Variants in PALMD observed in about 807,000 individuals in gnomAD.
PALMD encodes paralemmin-like protein.
PALMD carries 42 observed loss-of-function variants against 56.2 expected under a neutral mutation model. The ratio of observed to expected loss-of-function variants is 0.75; its 90% CI spans 0.58 to 0.97. The LOEUF is 0.97. PALMD is among the 50% of genes least tolerant of loss of function. PALMD has a pLI of 0.00. For synonymous variants in PALMD, 242 were observed against 222.9 expected (o/e 1.09, Z -0.76); for missense variants, 660 against 643.8 (o/e 1.03, Z -0.27).
At chr1:99,686,839 C>T (rs1449457905) in intron 4 of PALMD, 49 bp downstream of exon 4, 2 of 1,347,642 alleles carry the variant, frequency 1.5e-6, no homozygotes, top group African/African-American at 1.5e-5. Flanking sequence ...AAAATGAATC[C>T]ACAAATACTA....
chr1:99,685,257 T>C (rs920771383), intron 3 of PALMD: 2 of 152,166 alleles, frequency 1.3e-5, no homozygotes, highest in Non-Finnish European at 2.9e-5. Context: ...GGGAACTGGC[T>C]TTCACAAGAA....
At chr1:99,693,173 T>C (rs1007689701) in intron 7 of PALMD, among the ~76,000 whole-genome samples, 1 of 152,164 alleles carries the variant, frequency 6.6e-6, no homozygotes, top group Non-Finnish European at 1.5e-5. Flanking sequence ...GACAAAATTG[T>C]GCAATCAGTT....
chr1:99,649,571 G>C (rs1481397813), intron 1 of PALMD, among the ~76,000 whole-genome samples: 2 of 152,122 alleles, frequency 1.3e-5, no homozygotes, highest in African/African-American at 4.8e-5. Flanking sequence ...GGCCCACACT[G>C]AAGAACAACG....
chr1:99,667,683 C>A lies in PALMD; in HGVS notation c.168C>A (p.Ser56Arg), dbSNP rs148254715. 1.2e-5 allele frequency: 19 copies of A among 1,612,422 alleles called. No homozygotes were observed. Among genetic ancestry groups the A allele is most frequent in the Non-Finnish European group, 1.6e-5 (19 of 1,178,784 alleles). Residue 56 changes from serine (S) to arginine (R), a missense_variant, in exon 3 of 8, where the codon AGC becomes AGA. Physicochemically the swap from Ser to Arg is moderately radical, Grantham distance 110. Coordinates refer to ENST00000263174, the MANE Select transcript of PALMD (RefSeq NM_017734.5). ...AGAAATGGCTTCTAGATGGAATCAGCAGCGGAAAAGAACAGGAAGAGATGA... is the reference window on the plus strand; with the variant it reads ...AGAAATGGCTTCTAGATGGAATCAGAAGCGGAAAAGAACAGGAAGAGATGA... ...LREKWLLDGI[S>R]SGKEQEEMKK...
chr1:99,650,124 A>G (rs767001060), intron 1 of PALMD, among the ~76,000 whole-genome samples: 1 of 152,018 alleles, frequency 6.6e-6, no homozygotes, highest in African/African-American at 2.4e-5. Flanking sequence ...TTGAGCCTAG[A>G]TGTGAAGGAG....
chr1:99,682,024 G>A (rs1653357961), intron 3 of PALMD, among the ~76,000 whole-genome samples: 1 of 152,166 alleles, frequency 6.6e-6, no homozygotes, highest in Non-Finnish European at 1.5e-5. Flanking sequence ...ACCAAGTGGA[G>A]GAGGTTGCGG....
intron 1 of PALMD, among the ~76,000 whole-genome samples, chr1:99,651,233 A>G (rs1292503786): frequency 1.3e-5 from 2 of 152,246 alleles, no homozygotes; most frequent in Non-Finnish European, 2.9e-5. Context: ...GTGGTACGCC[A>G]CACTTCTTTG....
chr1:99,666,643 GA>G (rs1652968674), intron 2 of PALMD, among the ~76,000 whole-genome samples: 1 of 152,072 alleles, frequency 6.6e-6, no homozygotes, highest in African/African-American at 2.4e-5. Context: ...AATTAACAAT[GA>G]ATAACTGAAC....
At position 99,646,352 on chromosome 1, in the gene PALMD, AG is replaced by A; in HGVS notation, c.37del (p.Ala13ProfsTer17). On this transcript the variant is annotated frameshift_variant, in exon 1 of 8. Transcript: ENST00000263174. LOFTEE classifies it high-confidence loss of function. ...EEAELVKGRLQAITDKRKIQE... is the reference protein window; with the variant it reads ...EEAELVKGRLXAITDKRKIQE... ...GCTGAGCTGGTGAAGGGAAGACTCCAGGCCATCACAGTAAGTCTGCATACAG... is the reference window on the plus strand; with the variant it reads ...GCTGAGCTGGTGAAGGGAAGACTCCAGCCATCACAGTAAGTCTGCATACAG... 1 of 1,611,804 alleles carries A rather than the reference AG, an allele frequency of 6.2e-7. No individual in the cohort carries two copies. Among genetic ancestry groups the A allele is most frequent in the Non-Finnish European group, 8.5e-7 (1 of 1,177,896 alleles).
intron 6 of PALMD, 36 bp from the exon 7 acceptor site, chr1:99,688,739 T>C: frequency 4.9e-6 from 7 of 1,438,354 alleles, no homozygotes; most frequent in Non-Finnish European, 6.6e-6. Context: ...AAAAGAAAAG[T>C]TAACTAAATC....
chr1:99,666,047 G>T (rs943638978), intron 2 of PALMD, among the ~76,000 whole-genome samples: 1 of 152,066 alleles, frequency 6.6e-6, no homozygotes, highest in Non-Finnish European at 1.5e-5. Flanking sequence ...TTCTGAAAAG[G>T]CCAGTACAAA....
chr1:99,693,931 TA>T, intron 7 of PALMD, 87 bp from the exon 8 acceptor site: 1 of 866,922 alleles, frequency 1.2e-6, no homozygotes, highest in Non-Finnish European at 1.9e-6. Context: ...AGGTATGTTC[TA>T]AACTTTCCTG....
At chr1:99,665,357 C>G (rs1365129186) in intron 2 of PALMD, among the ~76,000 whole-genome samples, 3 of 152,096 alleles carry the variant, frequency 2.0e-5, no homozygotes, top group African/African-American at 4.8e-5. Flanking sequence ...AAGCACAAGT[C>G]TAAACTGTGA....
rs1334929003 is a variant in PALMD at position 99,652,694 on chromosome 1, G to GAAAAGAAAA, written c.45+6332_45+6333insAAAAGAAAA. Among the ~76,000 whole-genome samples, 285 of 86,364 alleles carry GAAAAGAAAA rather than the reference G, an allele frequency of 3.3e-3. 2 individuals are homozygous for GAAAAGAAAA. Among genetic ancestry groups the GAAAAGAAAA allele is most frequent in the African/African-American group, 6.5e-3 (124 of 19,048 alleles). The allele number at this position is 86,364 out of a possible 152,430, so 56.7% of individuals were successfully genotyped here. A position where few individuals can be genotyped will look rare whatever the true frequency, so the allele number is the denominator to read the frequency against. ...GGAAAGGAAAGGAAAGGAAAGGAAA[G>GAAAAGAAAA]GAAAAGAAAAGAAAAGAAAAGAAAA... is the stretch of plus-strand genomic sequence containing the variant. On this transcript the variant is annotated intron_variant, in intron 1 of 7. Transcript: ENST00000263174.
intron 3 of PALMD, among the ~76,000 whole-genome samples, chr1:99,670,944 A>G (rs1343464773): frequency 2.0e-5 from 3 of 152,226 alleles, no homozygotes; most frequent in Admixed American, 1.3e-4. Context: ...TTTTAAATTC[A>G]ATCTTTCTCC....
At chr1:99,686,989 T>C (rs1399174159) in intron 5 of PALMD, 26 bp downstream of exon 5, 3 of 1,542,368 alleles carry the variant, frequency 1.9e-6, no homozygotes, top group Admixed American at 1.7e-5. Flanking sequence ...ACTTATTTTA[T>C]GTTAAACTAA....
chr1:99,684,337 C>T (rs6686495), intron 3 of PALMD: 12,326 of 152,142 alleles, frequency 0.081, 1,061 homozygotes, highest in African/African-American at 0.22. Flanking sequence ...ATTTGGCATC[C>T]GGCCCCTTAT....
Position 99,694,191 on chromosome 1 carries a change from C to A in PALMD, c.*129C>A. On this transcript the variant is annotated 3_prime_UTR_variant, in exon 8 of 8. Transcript: ENST00000263174. ...TATCATTACAGTGTACCATATTAAG[C>A]CATGTGAATAAGTAGTAGTCATTAT... 1.7e-6 allele frequency: 1 copy of A among 601,778 alleles called. No individual in the cohort carries two copies. The highest frequency in any genetic ancestry group is 2.9e-6 in the Non-Finnish European group (1 of 341,664). 37.3% of individuals were successfully genotyped at this position (601,778 alleles called of 1,614,324 possible).
At chr1:99,683,485 A>T (rs1288977455) in intron 3 of PALMD, 1 of 152,238 alleles carries the variant, frequency 6.6e-6, no homozygotes. Context: ...GGTCACAAAC[A>T]GTGGAATCAC....
Sources: gnomAD v4.1 joint callset for allele counts (sites outside exome capture counted in the v4.1 genomes callset) on GRCh38, gnomAD v4.1.1 for gene constraint, MANE v1.5 for transcripts, NCBI Gene and HGNC (gene_info 2026-07-23, HGNC 2026-07-21) for gene names.